The following ASPG variants were observed in gnomAD, a reference collection of about 807,000 sequenced individuals.
ASPG encodes the protein 60 kDa lysophospholipase.
ASPG carries 53 observed loss-of-function variants against 63.2 expected under a neutral mutation model. That is an observed-to-expected ratio of 0.84 (90% CI 0.67 to 1.05). ASPG has a LOEUF of 1.05. Among genes scored for constraint, ASPG ranks in the 50% least tolerant of loss-of-function variants. ASPG has a pLI of 0.00. For synonymous variants in ASPG, 370 were observed against 355.0 expected, an observed-to-expected ratio of 1.04 and a Z score of -0.48; for missense variants, 741 against 794.4, an observed-to-expected ratio of 0.93 and a Z score of 0.81.
At chr14:104,112,050 G>C in intron 15 of ASPG, 50 bp downstream of exon 15, 1 of 1,511,120 alleles carries the variant, frequency 6.6e-7, no homozygotes, top group South Asian at 1.2e-5. Flanking sequence ...AGCTTCTAGT[G>C]CAGGGCTGGA....
At chr14:104,112,451 G>C in intron 15 of ASPG, 73 bp from the exon 16 acceptor site, 1 of 883,170 alleles carries the variant, frequency 1.1e-6, no homozygotes, top group Non-Finnish European at 1.9e-6. Context: ...CAGACGGGGT[G>C]CCTGGGCTTG....
intron 15 of ASPG, 24 bp from the exon 16 acceptor site, chr14:104,112,497 CCTT>C (rs772267472): frequency 3.2e-6 from 4 of 1,257,648 alleles, no homozygotes; most frequent in African/African-American, 2.9e-5. Context: ...ACCTGGGTGT[CCTT>C]CTCAGGAGCC....
intron 3 of ASPG, among the ~76,000 whole-genome samples, chr14:104,095,032 G>GCTGCCCTTCGGTGTC (rs2036534848): frequency 6.6e-6 from 1 of 152,198 alleles, no homozygotes; most frequent in Non-Finnish European, 1.5e-5. Context: ...CAGCTTCACT[G>GCTGCCCTTCGGTGTC]CTGCCCTTCG....
chr14:104,087,751 C>T (rs2036259062), intron 1 of ASPG, among the ~76,000 whole-genome samples: 1 of 152,226 alleles, frequency 6.6e-6, no homozygotes. Context: ...GCTGCAGGGG[C>T]AGGTGGACTC....
chr14:104,092,775 C>T, intron 2 of ASPG, 34 bp downstream of exon 2: 2 of 1,506,482 alleles, frequency 1.3e-6, no homozygotes, highest in Non-Finnish European at 1.8e-6. Flanking sequence ...CCGGACAGGG[C>T]ATGGCTGCTG....
rs900504160 is a variant in ASPG at position 104,113,857 on chromosome 14, G to A, written c.*1313G>A. 6.6e-6 allele frequency: 1 copy of A among 152,398 alleles called. No homozygotes were observed. Among genetic ancestry groups the A allele is most frequent in the Non-Finnish European group, 1.5e-5 (1 of 68,164 alleles). 9.4% of individuals were successfully genotyped at this position (152,398 alleles called of 1,614,324 possible). A position where few individuals can be genotyped will look rare whatever the true frequency, so the allele number is the denominator to read the frequency against. ...CTCCTCACCCTGGTGAGGCCCATGA[G>A]GGGCTGCAGGTGGAGGGAGGGTGGC... On this transcript the variant is annotated 3_prime_UTR_variant, in exon 16 of 16. Coordinates refer to ENST00000551177, the MANE Select transcript of ASPG (RefSeq NM_001080464.3).
intron 12 of ASPG, among the ~76,000 whole-genome samples, chr14:104,108,186 C>A (rs528586401): frequency 6.6e-6 from 1 of 152,088 alleles, no homozygotes; most frequent in South Asian, 2.1e-4. Flanking sequence ...GTAGAAGGTT[C>A]TTTCCAGCCT....
chr14:104,086,187 C>T (rs1198888589), intron 1 of ASPG, among the ~76,000 whole-genome samples: 2 of 152,172 alleles, frequency 1.3e-5, no homozygotes, highest in East Asian at 1.9e-4. Flanking sequence ...AGGGCATTGG[C>T]CTGCCGCTCC....
intron 4 of ASPG, among the ~76,000 whole-genome samples, chr14:104,096,732 T>C (rs1363094927): frequency 6.6e-6 from 1 of 152,200 alleles, no homozygotes; most frequent in Admixed American, 6.5e-5. Flanking sequence ...TTATCCCTGT[T>C]ATACCTGTGG....
chr14:104,086,812 C>G (rs2036233283), intron 1 of ASPG, among the ~76,000 whole-genome samples: 1 of 152,096 alleles, frequency 6.6e-6, no homozygotes, highest in Non-Finnish European at 1.5e-5. Context: ...CTGCCCTGGC[C>G]CCTCCCCACA....
chr14:104,107,081 C>T lies in ASPG; in HGVS notation c.1270-101C>T, dbSNP rs1404354862. Reference sequence around the variant, plus strand: ...GAGGCTTTGAGGGTGGGCGCAGGGGCTGTGCTGGGCCCTACCCTCAGAGGG... The same window carrying T: ...GAGGCTTTGAGGGTGGGCGCAGGGGTTGTGCTGGGCCCTACCCTCAGAGGG... On this transcript the variant is annotated intron_variant, in intron 11 of 15. Transcript: ENST00000551177. 5.6e-6 allele frequency: 8 copies of T among 1,430,544 alleles called. No individual in the cohort carries two copies. The Admixed American group carries it at 7.2e-5, about 13-fold the overall frequency. The allele number at this position is 1,430,544 out of a possible 1,614,324, so 88.6% of individuals were successfully genotyped here.
rs1432889475 is a variant in ASPG, at chr14:104,087,543, G to A, written c.82+1691G>A. Reference sequence around the variant, plus strand: ...AAGATGGGAGAGGGCCAGGCCAGGAGCAGCCCTGCAAGGTGCAGGAAAGAG... The same window carrying A: ...AAGATGGGAGAGGGCCAGGCCAGGAACAGCCCTGCAAGGTGCAGGAAAGAG... On this transcript the variant is annotated intron_variant, in intron 1 of 15. Coordinates refer to ENST00000551177, the MANE Select transcript of ASPG (RefSeq NM_001080464.3). Among the ~76,000 whole-genome samples, 3 of 152,220 alleles carry A rather than the reference G, an allele frequency of 2.0e-5. No individual in the cohort carries two copies. In the East Asian group the frequency reaches 5.8e-4, roughly 29 times the overall value.
In ASPG at chr14:104,109,984, A is replaced by T. The variant is rs1008540834; in HGVS notation, c.1520+669A>T. 4 of 985,184 alleles carry T rather than the reference A, an allele frequency of 4.1e-6. No individual in the cohort carries two copies. The African/African-American group carries it at 7.0e-5, about 17-fold the overall frequency. 61.0% of individuals were successfully genotyped at this position (985,184 alleles called of 1,614,324 possible). A position where few individuals can be genotyped will look rare whatever the true frequency, so the allele number is the denominator to read the frequency against. On this transcript the variant is annotated intron_variant, in intron 13 of 15. Transcript: ENST00000551177. This position sits in a 1 kb window ranked among gnomAD's most constrained non-coding sequence, Gnocchi z 4.8. ...TGTCGGTTGTGGGTGGAGGTGGGCC[A>T]GGGATGCAGGGATCCTCCTCTGTCC...
chr14:104,090,794 G>A (rs975350293), intron 1 of ASPG, among the ~76,000 whole-genome samples: 13 of 152,348 alleles, frequency 8.5e-5, no homozygotes, highest in Admixed American at 2.0e-4. Flanking sequence ...TATCACATCC[G>A]TAAAGACACT....
In ASPG at chr14:104,104,354, CG is replaced by C; in HGVS notation, c.806del (p.Gly269ValfsTer36). ...TGAAGGGCGTGGTCATGGAGACCTT[CG>C]GTTCAGGGAACGGACCCACCAAGCC... is the stretch of plus-strand genomic sequence containing the variant. ...PLKGVVMETFGSGNGPTKPDL... is the reference protein window; with the variant it reads ...PLKGVVMETFXSGNGPTKPDL... On this transcript the variant is annotated frameshift_variant, in exon 8 of 16. Coordinates refer to ENST00000551177, the MANE Select transcript of ASPG (RefSeq NM_001080464.3). LOFTEE classifies it high-confidence loss of function. The C allele has an allele frequency of 6.2e-7, 1 of 1,612,600 alleles. No homozygotes were observed. The highest frequency in any genetic ancestry group is 8.5e-7 in the Non-Finnish European group (1 of 1,179,784).
chr14:104,094,915 C>T (rs2036528784), intron 3 of ASPG, among the ~76,000 whole-genome samples: 1 of 152,214 alleles, frequency 6.6e-6, no homozygotes, highest in African/African-American at 2.4e-5. Context: ...CCCGGGCAGG[C>T]CCAGGCTTCG....
chr14:104,104,463 A>T lies in ASPG; in HGVS notation c.913A>T (p.Thr305Ser). 6.2e-7 allele frequency: 1 copy of T among 1,612,388 alleles called. No homozygotes were observed. Among genetic ancestry groups the T allele is most frequent in the South Asian group, 1.1e-5 (1 of 91,056 alleles). Residue 305 changes from threonine to serine, a missense_variant, in exon 8 of 16, where the codon ACC (threonine) becomes TCC (serine). Physicochemically the swap from Thr to Ser is moderately conservative, Grantham distance 58. Coordinates refer to ENST00000551177, the MANE Select transcript of ASPG (RefSeq NM_001080464.3). Reference sequence around the variant, plus strand: ...TACCCACTGCCTCCAGGGGGCTGTGACCACAGACTATGCAGCTGGCATGGT... The same window carrying T: ...TACCCACTGCCTCCAGGGGGCTGTGTCCACAGACTATGCAGCTGGCATGGT... ...NCTHCLQGAV[T>S]TDYAAGMAMA... is the part of the protein sequence containing the mutation.
intron 13 of ASPG, chr14:104,111,284 T>A: frequency 1.2e-6 from 1 of 833,898 alleles, no homozygotes; most frequent in Non-Finnish European, 1.4e-6. Context: ...TGCGCATGTG[T>A]ACCCGACTTG....
chr14:104,113,178 G>A lies in ASPG; in HGVS notation c.*634G>A, dbSNP rs746904641. 1.4e-3 allele frequency: 222 copies of A among 161,002 alleles called. 1 individual carries two copies. Among genetic ancestry groups the A allele is most frequent in the Admixed American group, 2.3e-3 (39 of 16,748 alleles). The allele number at this position is 161,002 out of a possible 1,614,324, so 10.0% of individuals were successfully genotyped here. A position where few individuals can be genotyped will look rare whatever the true frequency, so the allele number is the denominator to read the frequency against. The stretch of plus-strand genomic sequence containing the variant: ...CCACACCAGGGCTCCATAGGGCTGC[G>A]GAAGCCTGTGAGTGTCAAGGGGGCT... On this transcript the variant is annotated 3_prime_UTR_variant, in exon 16 of 16. Coordinates refer to ENST00000551177, the MANE Select transcript of ASPG (RefSeq NM_001080464.3).
Sources: allele counts gnomAD v4.1 joint callset (sites outside exome capture counted in the v4.1 genomes callset), GRCh38; gene constraint gnomAD v4.1.1; non-coding constraint Gnocchi (gnomAD v3.1); transcripts MANE v1.5; gene names NCBI Gene and HGNC (gene_info 2026-07-23, HGNC 2026-07-21).